CUL3: variants seen among roughly 807,000 people sequenced by gnomAD.
CUL3 encodes the protein cullin-3.
In CUL3, 19 loss-of-function variants were observed where a neutral mutation model predicts 89.1. The observed-to-expected ratio is 0.21, with a 90% CI of 0.15 to 0.31. The LOEUF is 0.31. Among genes scored for constraint, CUL3 ranks in the 10% least tolerant of loss-of-function variants. The pLI is 1.00. For synonymous variants in CUL3, 351 were observed against 308.4 expected, an observed-to-expected ratio of 1.14 and a Z score of -1.45; for missense variants, 469 against 942.3, an observed-to-expected ratio of 0.50 and a Z score of 6.58.
intron 3 of CUL3, among the ~76,000 whole-genome samples, chr2:224,535,087 G>A (rs1693837239): frequency 6.6e-6 from 1 of 151,858 alleles, no homozygotes; most frequent in African/African-American, 2.4e-5. Flanking sequence ...GGCTTCGGTT[G>A]GCCCTTACAA....
intron 13 of CUL3, among the ~76,000 whole-genome samples, chr2:224,486,207 C>A (rs570289715): frequency 6.6e-6 from 1 of 152,292 alleles, no homozygotes; most frequent in African/African-American, 2.4e-5. Context: ...GCCTCTTCTC[C>A]TCCAAAGGAT....
intron 2 of CUL3, among the ~76,000 whole-genome samples, chr2:224,542,063 T>C (rs1046192337): frequency 2.0e-5 from 3 of 152,222 alleles, no homozygotes; most frequent in Non-Finnish European, 4.4e-5. Context: ...AAAATTTGAA[T>C]TATTATTTGA....
rs1694776439 is a variant in CUL3, at chr2:224,557,964, A to T, written c.67-108T>A. The T allele has an allele frequency of 4.8e-6, 3 of 624,676 alleles. No homozygotes were observed. In the South Asian group the frequency reaches 7.1e-5, roughly 15 times the overall value. 38.7% of individuals were successfully genotyped at this position (624,676 alleles called of 1,614,324 possible). On this transcript the variant is annotated intron_variant, in intron 1 of 15. Coordinates refer to ENST00000264414, the MANE Select transcript of CUL3 (RefSeq NM_003590.5). ...ATATAGTAAATATTGTATTATATAG[A>T]TATGATTATAAATCTATGACACATA...
intron 1 of CUL3, among the ~76,000 whole-genome samples, chr2:224,583,880 A>G (rs1185258878): frequency 6.6e-6 from 1 of 152,258 alleles, no homozygotes; most frequent in Non-Finnish European, 1.5e-5. Context: ...TCGCTGGTAC[A>G]TCATATGAAG....
intron 1 of CUL3, chr2:224,569,751 A>T: frequency 8.2e-7 from 1 of 1,213,904 alleles, no homozygotes; most frequent in Non-Finnish European, 1.1e-6. Context: ...AAACTAAATG[A>T]AAAGAAGTGA....
chr2:224,545,093 A>G (rs973588028), intron 2 of CUL3, among the ~76,000 whole-genome samples: 4 of 152,188 alleles, frequency 2.6e-5, no homozygotes, highest in Non-Finnish European at 5.9e-5. Flanking sequence ...TGTTGCTGTT[A>G]TAATACATAT....
intron 2 of CUL3, among the ~76,000 whole-genome samples, chr2:224,540,790 T>C (rs533578060): frequency 6.6e-6 from 1 of 152,292 alleles, no homozygotes; most frequent in South Asian, 2.1e-4. Context: ...TATTGACTCA[T>C]CCTCTAAGTT....
intron 15 of CUL3, among the ~76,000 whole-genome samples, chr2:224,475,469 G>A (rs1016320626): frequency 1.3e-5 from 2 of 152,272 alleles, no homozygotes; most frequent in East Asian, 3.9e-4. Context: ...CATGTTCTTT[G>A]CTCTAATGCA....
intron 1 of CUL3, chr2:224,563,270 A>C (rs879190473): frequency 6.4e-6 from 3 of 471,186 alleles, no homozygotes; most frequent in South Asian, 4.6e-5. Context: ...AGAGCCATTT[A>C]AATCATTTTC....
chr2:224,581,476 T>G (rs1377342052), intron 1 of CUL3, among the ~76,000 whole-genome samples: 1 of 151,720 alleles, frequency 6.6e-6, no homozygotes, highest in Non-Finnish European at 1.5e-5. Context: ...CAAAACATCA[T>G]GTACATCTTA....
intron 12 of CUL3, 45 bp downstream of exon 12, chr2:224,497,708 G>T: frequency 7.0e-7 from 1 of 1,421,422 alleles, no homozygotes; most frequent in South Asian, 1.2e-5. Flanking sequence ...AGCTCTAATA[G>T]ACTAACTTTA....
chr2:224,572,106 G>A (rs1022547053), intron 1 of CUL3, among the ~76,000 whole-genome samples: 5 of 152,040 alleles, frequency 3.3e-5, no homozygotes, highest in Admixed American at 6.6e-5. Flanking sequence ...GAGTTATTAC[G>A]GCTACATGTT....
Position 224,535,657 on chromosome 2 carries a change from T to G in CUL3, c.265-16A>C. On this transcript the variant is annotated splice_polypyrimidine_tract_variant and intron_variant, in intron 2 of 15. Coordinates refer to ENST00000264414, the MANE Select transcript of CUL3 (RefSeq NM_003590.5). The stretch of plus-strand genomic sequence containing the variant: ...CTTCTCGCACCTAGTAACAGAAGAG[T>G]TCATTAGTTTGCACACACACATCCA... 1 of 1,530,568 alleles carries G rather than the reference T, an allele frequency of 6.5e-7. No individual in the cohort carries two copies. The highest frequency in any genetic ancestry group is 1.4e-5 in the African/African-American group (1 of 73,362). The allele number at this position is 1,530,568 out of a possible 1,614,324, so 94.8% of individuals were successfully genotyped here.
At chr2:224,548,703 C>T (rs1373609436) in intron 2 of CUL3, among the ~76,000 whole-genome samples, 2 of 152,076 alleles carry the variant, frequency 1.3e-5, no homozygotes, top group African/African-American at 2.4e-5. Flanking sequence ...CCCCTGACTT[C>T]AAGAAAATTA....
chr2:224,488,902 A>G (rs1223635716), intron 13 of CUL3, among the ~76,000 whole-genome samples: 1 of 152,224 alleles, frequency 6.6e-6, no homozygotes, highest in African/African-American at 2.4e-5. Flanking sequence ...CACATCAAAA[A>G]GCTTATCCAC....
At chr2:224,541,755 T>C (rs1455067139) in intron 2 of CUL3, among the ~76,000 whole-genome samples, 1 of 152,146 alleles carries the variant, frequency 6.6e-6, no homozygotes, top group Non-Finnish European at 1.5e-5. Flanking sequence ...ATAGTTTGGA[T>C]CAATCTCAAA....
chr2:224,579,634 G>A (rs1695388810), intron 1 of CUL3, among the ~76,000 whole-genome samples: 1 of 152,198 alleles, frequency 6.6e-6, no homozygotes, highest in African/African-American at 2.4e-5. Context: ...TGCTGTCCAT[G>A]CTACACAAGT....
chr2:224,562,694 ACTTACCCAAAATCATAGAG>A (rs1694942118), intron 1 of CUL3: 1 of 152,104 alleles, frequency 6.6e-6, no homozygotes, highest in African/African-American at 2.4e-5. Flanking sequence ...AGATTAAATG[ACTTACCCAAAATCATAGAG>A]CTGGGATTAG....
intron 13 of CUL3, among the ~76,000 whole-genome samples, chr2:224,492,312 T>C (rs1166411235): frequency 6.6e-6 from 1 of 152,184 alleles, no homozygotes; most frequent in Non-Finnish European, 1.5e-5. Flanking sequence ...TACTTTCCCT[T>C]GTACTTTCAT....
Sources: gnomAD v4.1 joint callset for allele counts (sites outside exome capture counted in the v4.1 genomes callset) on GRCh38, gnomAD v4.1.1 for gene constraint, MANE v1.5 for transcripts, NCBI Gene and HGNC (gene_info 2026-07-23, HGNC 2026-07-21) for gene names.